The following CDC42BPA variants were observed in gnomAD, a reference collection of about 807,000 sequenced individuals.
The protein encoded by CDC42BPA is serine/threonine-protein kinase MRCK alpha.
A neutral mutation model predicts 223.5 loss-of-function variants in CDC42BPA; 80 were observed. The ratio of observed to expected loss-of-function variants is 0.36; its 90% CI spans 0.30 to 0.43. The LOEUF is 0.43. Ranked by LOEUF, CDC42BPA falls within the 20% of genes least tolerant of loss-of-function variation. The probability of loss-of-function intolerance (pLI) is 1.00; values close to 1 mark genes in which losing one functional copy is unlikely to be tolerated. For synonymous variants in CDC42BPA, 694 were observed against 718.6 expected (o/e 0.97, Z 0.55); for missense variants, 1,743 against 2,099.9 (o/e 0.83, Z 3.32).
chr1:227,254,473 T>C (rs1449468120), intron 1 of CDC42BPA, among the ~76,000 whole-genome samples: 3 of 152,220 alleles, frequency 2.0e-5, no homozygotes, highest in African/African-American at 4.8e-5. Context: ...GCATTAAATA[T>C]ATATTTTAAC....
chr1:227,048,747 T>A (rs1277542619), intron 22 of CDC42BPA, among the ~76,000 whole-genome samples: 1 of 65,032 alleles, frequency 1.5e-5, no homozygotes, highest in Non-Finnish European at 3.0e-5. Context: ...ATCAGCAAAG[T>A]AGTGAGAAAA....
rs371903587 is a variant in CDC42BPA, at chr1:227,020,907, T to TA, written c.4615+2355dup. 1.8e-3 allele frequency among the ~76,000 whole-genome samples: 279 copies of TA among 152,292 alleles called. 3 individuals are homozygous for TA. Among genetic ancestry groups the TA allele is most frequent in the African/African-American group, 5.9e-3 (245 of 41,562 alleles). The stretch of plus-strand genomic sequence containing the variant: ...ATGTGCGACTCTTCAGTTGAACACT[T>TA]AAGAGTCTATTGCAGGGCTATTAAT... On this transcript the variant is annotated intron_variant, in intron 32 of 36. Coordinates refer to ENST00000366766, the MANE Select transcript of CDC42BPA (RefSeq NM_001394014.1).
intron 2 of CDC42BPA, among the ~76,000 whole-genome samples, chr1:227,230,814 TTCTTTC>T (rs1245470515): frequency 7.8e-5 from 4 of 51,476 alleles, no homozygotes; most frequent in Non-Finnish European, 1.1e-4. Flanking sequence ...TCTTTTTTCT[TTCTTTC>T]TTTTTTTTTT....
chr1:227,142,894 A>G (rs542418739), intron 9 of CDC42BPA, 51 bp downstream of exon 9: 6 of 1,253,346 alleles, frequency 4.8e-6, no homozygotes, highest in Non-Finnish European at 5.5e-6. Flanking sequence ...TTGGGATTAC[A>G]GGCGTGAGCC....
intron 1 of CDC42BPA, among the ~76,000 whole-genome samples, chr1:227,270,763 A>G (rs1685833979): frequency 1.3e-5 from 2 of 152,048 alleles, no homozygotes; most frequent in Admixed American, 6.6e-5. Flanking sequence ...ACCACATCCC[A>G]TGCCTGGTAA....
Position 227,277,092 on chromosome 1 carries a change from A to G in CDC42BPA, c.179-22937T>C, listed in dbSNP as rs1237222177. ...TCAATAAATACTAAAAAAAAAAAAA[A>G]AAAGAAAAAGAAAAAATGTGTACAA... On this transcript the variant is annotated intron_variant, in intron 1 of 36. Transcript: ENST00000366766. Among the ~76,000 whole-genome samples, 3 of 151,216 alleles carry G rather than the reference A, an allele frequency of 2.0e-5. No individual in the cohort carries two copies. The East Asian group carries it at 5.8e-4, about 29-fold the overall frequency.
At chr1:227,105,750 T>C (rs694740) in intron 14 of CDC42BPA, among the ~76,000 whole-genome samples, 96,356 of 152,004 alleles carry the variant, frequency 0.63, 30,697 homozygotes, top group East Asian at 0.74. Flanking sequence ...TTTCGAGATT[T>C]AGCCATGTTG....
intron 2 of CDC42BPA, among the ~76,000 whole-genome samples, chr1:227,248,439 C>T (rs111387189): frequency 0.15 from 22,788 of 151,460 alleles, 2,071 homozygotes; most frequent in African/African-American, 0.24. Context: ...AATCAACATA[C>T]AAAAATCAGT....
At chr1:227,085,634 T>C (rs539551304) in intron 16 of CDC42BPA, among the ~76,000 whole-genome samples, 1 of 152,366 alleles carries the variant, frequency 6.6e-6, no homozygotes, top group Non-Finnish European at 1.5e-5. Context: ...TTTATGCATA[T>C]AGAGTTTGTC....
intron 2 of CDC42BPA, among the ~76,000 whole-genome samples, chr1:227,241,326 G>T (rs1679976597): frequency 6.6e-6 from 1 of 152,054 alleles, no homozygotes; most frequent in Admixed American, 6.6e-5. Flanking sequence ...GCCTAGCATA[G>T]CAGTTCCACT....
chr1:227,298,841 A>G (rs1257856215), intron 1 of CDC42BPA, among the ~76,000 whole-genome samples: 3 of 152,212 alleles, frequency 2.0e-5, no homozygotes, highest in Admixed American at 1.3e-4. Flanking sequence ...AGATAATTCA[A>G]TATCCATAAA....
chr1:227,190,881 T>C (rs1460615164), intron 5 of CDC42BPA, among the ~76,000 whole-genome samples: 10 of 151,694 alleles, frequency 6.6e-5, no homozygotes, highest in Non-Finnish European at 1.5e-4. Context: ...GAGTGTGTGG[T>C]GGGGGGTTAA....
chr1:227,306,079 T>C (rs143565767), intron 1 of CDC42BPA, among the ~76,000 whole-genome samples: 1 of 151,046 alleles, frequency 6.6e-6, no homozygotes, highest in African/African-American at 2.4e-5. Flanking sequence ...AAGCTTTCAG[T>C]AGTCACTGAA....
At chr1:227,154,881 C>T (rs1996133) in intron 6 of CDC42BPA, among the ~76,000 whole-genome samples, 103,753 of 151,880 alleles carry the variant, frequency 0.68, 35,625 homozygotes, top group South Asian at 0.73. Context: ...TGGATATAAA[C>T]CAATATGCTA....
At position 226,995,101 on chromosome 1, in the gene CDC42BPA, G is replaced by A. The variant is rs139549082; in HGVS notation, c.4976-121C>T. 137 of 817,742 alleles carry A rather than the reference G, an allele frequency of 1.7e-4. 1 individual carries two copies. The African/African-American group carries it at 2.0e-3, about 12-fold the overall frequency. The allele number at this position is 817,742 out of a possible 1,614,324, so 50.7% of individuals were successfully genotyped here. A position where few individuals can be genotyped will look rare whatever the true frequency, so the allele number is the denominator to read the frequency against. ...GGCCCCAGACCACTCCTCCCCTGAA[G>A]CGCAGTAAGTCCAACTGTAGTACCT... On this transcript the variant is annotated intron_variant, in intron 35 of 36. Coordinates refer to ENST00000366766, the MANE Select transcript of CDC42BPA (RefSeq NM_001394014.1).
At chr1:227,142,627 T>C (rs1558598356) in intron 9 of CDC42BPA, among the ~76,000 whole-genome samples, 1 of 151,296 alleles carries the variant, frequency 6.6e-6, no homozygotes, top group East Asian at 1.9e-4. Flanking sequence ...ATGTTAACTT[T>C]TTTTTTTTTT....
intron 2 of CDC42BPA, among the ~76,000 whole-genome samples, chr1:227,251,534 C>T (rs912328338): frequency 6.6e-6 from 1 of 151,888 alleles, no homozygotes; most frequent in Non-Finnish European, 1.5e-5. Context: ...ACGAAAAGGA[C>T]AGAATAAGAT....
chr1:227,265,696 G>A (rs1684879488), intron 1 of CDC42BPA, among the ~76,000 whole-genome samples: 1 of 151,048 alleles, frequency 6.6e-6, no homozygotes, highest in South Asian at 2.1e-4. Context: ...CCATCTATTT[G>A]AACTTGGGTA....
chr1:227,222,901 A>G (rs913238932), intron 2 of CDC42BPA, among the ~76,000 whole-genome samples: 1 of 152,200 alleles, frequency 6.6e-6, no homozygotes, highest in South Asian at 2.1e-4. Flanking sequence ...GGTTGGACCA[A>G]TAACAAGGGC....
Sources: gnomAD v4.1 joint callset for allele counts (sites outside exome capture counted in the v4.1 genomes callset) on GRCh38, gnomAD v4.1.1 for gene constraint, MANE v1.5 for transcripts, NCBI Gene and HGNC (gene_info 2026-07-23, HGNC 2026-07-21) for gene names.